The following DSCAML1 variants were observed in gnomAD, a reference collection of about 807,000 sequenced individuals.
DSCAML1 encodes the protein cell adhesion molecule DSCAML1.
Under a neutral mutation model 200.5 loss-of-function variants are expected in DSCAML1, and 38 were observed. The ratio of observed to expected loss-of-function variants is 0.19; its 90% CI spans 0.15 to 0.25. The LOEUF is 0.25. DSCAML1 is among the 10% of genes least tolerant of loss of function. DSCAML1 has a pLI of 1.00. For missense variants in DSCAML1, 2,223 were observed against 2,858.8 expected (o/e 0.78, Z 5.07); for synonymous variants, 1,215 against 1,165.0 (o/e 1.04, Z -0.87).
intron 3 of DSCAML1, among the ~76,000 whole-genome samples, chr11:117,734,092 G>A (rs921204589): frequency 2.1e-5 from 3 of 143,462 alleles, no homozygotes; most frequent in South Asian, 2.3e-4. Flanking sequence ...TCTGGGCCTC[G>A]AATCTCAGGG....
intron 3 of DSCAML1, among the ~76,000 whole-genome samples, chr11:117,743,578 C>G (rs757505578): frequency 6.6e-6 from 1 of 152,148 alleles, no homozygotes; most frequent in South Asian, 2.1e-4. Context: ...CGCTGTCTGG[C>G]GTAACCACCC....
rs764381793 is a variant in DSCAML1, at chr11:117,521,123, A to C, written c.1213+7T>G. The stretch of plus-strand genomic sequence containing the variant: ...CCCGCCCCCTGTGTCCTGGCGCCCC[A>C]GCTCACCCTCAAGTGCAATGATGGC... On this transcript the variant is annotated splice_region_variant and intron_variant, in intron 6 of 32. Transcript: ENST00000651296. 20 of 1,608,096 alleles carry C rather than the reference A, an allele frequency of 1.2e-5. No homozygotes were observed. Among genetic ancestry groups the C allele is most frequent in the Non-Finnish European group, 8.5e-7 (1 of 1,175,328 alleles).
intron 3 of DSCAML1, among the ~76,000 whole-genome samples, chr11:117,707,106 C>A (rs1043042852): frequency 6.6e-6 from 1 of 152,186 alleles, no homozygotes; most frequent in Non-Finnish European, 1.5e-5. Flanking sequence ...TAAGTACCTA[C>A]AAAGCCTGTC....
Position 117,623,630 on chromosome 11 carries a change from G to C in DSCAML1, c.512-91108C>G, listed in dbSNP as rs545416927. 7.5e-4 allele frequency among the ~76,000 whole-genome samples: 114 copies of C among 152,312 alleles called. 2 individuals carry two copies. Among genetic ancestry groups the C allele is most frequent in the African/African-American group, 2.7e-3 (113 of 41,572 alleles). Reference sequence around the variant, plus strand: ...TGGGAAAGTGAAATAAACAGAGCCAGTTTCCTTGCCTCTAAAGCTCTAAAG... The same window carrying C: ...TGGGAAAGTGAAATAAACAGAGCCACTTTCCTTGCCTCTAAAGCTCTAAAG... On this transcript the variant is annotated intron_variant, in intron 3 of 32. Transcript: ENST00000651296.
chr11:117,743,479 C>CG (rs1458183422), intron 3 of DSCAML1, among the ~76,000 whole-genome samples: 11 of 152,224 alleles, frequency 7.2e-5, no homozygotes, highest in Non-Finnish European at 1.2e-4. Flanking sequence ...CTCTGTCCCC[C>CG]CAAGCTCCAC....
upstream of DSCAML1, among the ~76,000 whole-genome samples, chr11:117,800,119 G>T (rs1255890105): frequency 1.3e-5 from 2 of 152,196 alleles, no homozygotes; most frequent in East Asian, 3.8e-4. Context: ...GTTTCCCATT[G>T]ATTTTGTTCT....
In DSCAML1 at chr11:117,518,553, G is replaced by T. The variant is rs769202313; in HGVS notation, c.1423C>A (p.Pro475Thr). 1 of 1,614,094 alleles carries T rather than the reference G, an allele frequency of 6.2e-7. No homozygotes were observed. The highest frequency in any genetic ancestry group is 1.3e-5 in the African/African-American group (1 of 74,942). ...TTISHMNVTG[P>T]QIRDGGVYRC... ...TACACGCCCCCGTCGCGGATCTGGG[G>T]GCCTGTGACGTTCATGTGGCTGATG... is the stretch of plus-strand genomic sequence containing the variant. The change falls in exon 7 of 33, where the codon CCC becomes ACC. Residue 475 changes from proline (P) to threonine (T), a missense_variant. Around this residue, in one of 7 missense-constraint regions of DSCAML1, gnomAD observed 579 missense variants for 721.5 expected, o/e 0.80. Coordinates refer to ENST00000651296, the MANE Select transcript of DSCAML1 (RefSeq NM_020693.4). This position sits in a 1 kb window ranked among gnomAD's most constrained non-coding sequence, Gnocchi z 6.3.
intron 3 of DSCAML1, among the ~76,000 whole-genome samples, chr11:117,677,539 G>A (rs1018733424): frequency 1.3e-5 from 2 of 152,100 alleles, no homozygotes; most frequent in African/African-American, 4.8e-5. Context: ...CATGGGTTCT[G>A]TGGCTGCGGG....
intron 3 of DSCAML1, among the ~76,000 whole-genome samples, chr11:117,559,034 T>C (rs2137409653): frequency 6.6e-6 from 1 of 151,982 alleles, no homozygotes. Flanking sequence ...TCTTATAAAC[T>C]AGGGAAAAGG....
intron 3 of DSCAML1, among the ~76,000 whole-genome samples, chr11:117,586,751 G>A (rs2051152238): frequency 6.6e-6 from 1 of 152,204 alleles, no homozygotes; most frequent in Admixed American, 6.5e-5. Flanking sequence ...CACGAACTGG[G>A]CAATACAAAG....
At chr11:117,531,871 A>T (rs1180955540) in intron 4 of DSCAML1, among the ~76,000 whole-genome samples, 3 of 146,854 alleles carry the variant, frequency 2.0e-5, no homozygotes, top group Non-Finnish European at 3.0e-5. Context: ...GGGCAACAAG[A>T]GAGAAACTCC....
chr11:117,761,344 C>T (rs2054798168), intron 3 of DSCAML1, among the ~76,000 whole-genome samples: 1 of 152,312 alleles, frequency 6.6e-6, no homozygotes, highest in East Asian at 1.9e-4. Flanking sequence ...GGACACCCAG[C>T]CCCCAGACTG....
intron 3 of DSCAML1, among the ~76,000 whole-genome samples, chr11:117,671,748 A>G (rs1463467524): frequency 6.6e-6 from 1 of 152,228 alleles, no homozygotes; most frequent in Non-Finnish European, 1.5e-5. Flanking sequence ...GCATGGCCAC[A>G]GTATTAGAAA....
chr11:117,570,649 A>C (rs753213521), intron 3 of DSCAML1, among the ~76,000 whole-genome samples: 9 of 152,346 alleles, frequency 5.9e-5, no homozygotes, highest in Middle Eastern at 3.4e-3. Flanking sequence ...ATCCCTTTAC[A>C]ATATCTATTG....
chr11:117,494,066 C>T (rs1447578714), intron 11 of DSCAML1, among the ~76,000 whole-genome samples: 1 of 152,212 alleles, frequency 6.6e-6, no homozygotes, highest in Admixed American at 6.5e-5. Flanking sequence ...TCTCCAAACA[C>T]AGCCCTAAGA....
intron 3 of DSCAML1, among the ~76,000 whole-genome samples, chr11:117,618,662 G>A (rs2051861840): frequency 6.6e-6 from 1 of 150,846 alleles, no homozygotes; most frequent in Non-Finnish European, 1.5e-5. Flanking sequence ...AGTGCCTTTA[G>A]GTTTGGTTTA....
At chr11:117,674,121 C>T (rs773425401) in intron 3 of DSCAML1, among the ~76,000 whole-genome samples, 6 of 152,222 alleles carry the variant, frequency 3.9e-5, no homozygotes, top group Non-Finnish European at 5.9e-5. Flanking sequence ...AAGCAACTTA[C>T]GTTGCCGGTA....
chr11:117,487,228 AT>A (rs1007891726), intron 11 of DSCAML1, among the ~76,000 whole-genome samples: 23 of 152,244 alleles, frequency 1.5e-4, no homozygotes, highest in African/African-American at 3.6e-4. Context: ...CCTGGCTGTC[AT>A]TAAGTTTTAT....
At chr11:117,471,143 A>G (rs2048677598) in intron 15 of DSCAML1, among the ~76,000 whole-genome samples, 1 of 151,478 alleles carries the variant, frequency 6.6e-6, no homozygotes, top group Non-Finnish European at 1.5e-5. Context: ...TGTTTATAAA[A>G]CTGCACATAT....
Sources: gnomAD v4.1 joint callset for allele counts (sites outside exome capture counted in the v4.1 genomes callset) on GRCh38, gnomAD v4.1.1 for gene constraint, gnomAD v4.1.1 regional missense constraint, Gnocchi (gnomAD v3.1) non-coding constraint, MANE v1.5 for transcripts, NCBI Gene and HGNC (gene_info 2026-07-23, HGNC 2026-07-21) for gene names.